CHD6: variants seen among roughly 807,000 people sequenced by gnomAD.
CHD6 encodes the protein ATP-dependent chromatin remodeler CHD6.
In CHD6, 50 loss-of-function variants were observed where a neutral mutation model predicts 276.9. The ratio of observed to expected loss-of-function variants is 0.18; its 90% CI spans 0.14 to 0.23. The LOEUF is 0.23. Among genes scored for constraint, CHD6 ranks in the 10% least tolerant of loss-of-function variants. CHD6 has a pLI of 1.00. For missense variants in CHD6, 2,564 were observed against 3,365.8 expected, an observed-to-expected ratio of 0.76 and a Z score of 5.89; for synonymous variants, 1,173 against 1,229.3, an observed-to-expected ratio of 0.95 and a Z score of 0.96.
intron 1 of CHD6, among the ~76,000 whole-genome samples, chr20:41,592,925 T>C (rs1226210676): frequency 6.6e-6 from 1 of 152,108 alleles, no homozygotes; most frequent in African/African-American, 2.4e-5. Flanking sequence ...TTCTCAGGTA[T>C]CTAAAACGTG....
chr20:41,403,275 T>A lies in CHD6; in HGVS notation c.*1318A>T. 1 of 1,062,594 alleles carries A rather than the reference T, an allele frequency of 9.4e-7. No individual in the cohort carries two copies. The highest frequency in any genetic ancestry group is 1.1e-6 in the Non-Finnish European group (1 of 877,304). The allele number at this position is 1,062,594 out of a possible 1,614,324, so 65.8% of individuals were successfully genotyped here. A position where few individuals can be genotyped will look rare whatever the true frequency, so the allele number is the denominator to read the frequency against. On this transcript the variant is annotated 3_prime_UTR_variant, in exon 37 of 37. Transcript: ENST00000373233. ...GCGCAGCCCTGCGCCCCCAGAGTAC[T>A]GAACCATGAGCTTACTTCAAGTCTC...
rs533351925 is a variant in CHD6 at position 41,497,446 on chromosome 20, T to C, written c.1030A>G (p.Ile344Val). Residue 344 changes from isoleucine to valine, a missense_variant, in exon 8 of 37, where the codon ATC (isoleucine) becomes GTC (valine). By Grantham distance (29) the Ile-to-Val change is conservative. This residue lies in a region of CHD6 where 457 missense variants were observed against 889.0 expected (regional missense o/e 0.51). Coordinates refer to ENST00000373233, the MANE Select transcript of CHD6 (RefSeq NM_032221.5). ...CTAAATCGCTTGATCTTCTGTGCGA[T>C]GCGAGGATCCTTTTCGAGCTCTTCC... ...TMEELEKDPRIAQKIKRFRNK... is the reference protein window; with the variant it reads ...TMEELEKDPRVAQKIKRFRNK... 11 of 1,613,982 alleles carry C rather than the reference T, an allele frequency of 6.8e-6. No homozygotes were observed. Among genetic ancestry groups the C allele is most frequent in the East Asian group, 2.2e-5 (1 of 44,832 alleles).
At chr20:41,602,052 C>T (rs1004761817) in intron 1 of CHD6, among the ~76,000 whole-genome samples, 1 of 152,232 alleles carries the variant, frequency 6.6e-6, no homozygotes, top group African/African-American at 2.4e-5. Context: ...TTTAGTCCCT[C>T]TCCTCTTCCA....
intron 2 of CHD6, among the ~76,000 whole-genome samples, chr20:41,543,459 TA>T (rs1330676097): frequency 6.6e-6 from 1 of 152,220 alleles, no homozygotes; most frequent in Non-Finnish European, 1.5e-5. Flanking sequence ...AACACACCTG[TA>T]TCTCTCCTCA....
At chr20:41,485,764 G>C (rs928505132) in intron 14 of CHD6, 13 of 152,146 alleles carry the variant, frequency 8.5e-5, no homozygotes, top group African/African-American at 2.4e-4. Flanking sequence ...AAGTTCAAGA[G>C]ATCTACTGAA....
intron 16 of CHD6, among the ~76,000 whole-genome samples, chr20:41,481,494 A>G (rs7353964): frequency 6.6e-6 from 1 of 152,144 alleles, no homozygotes; most frequent in African/African-American, 2.4e-5. Flanking sequence ...TCACAATTAC[A>G]AATTAAAGAG....
intron 3 of CHD6, among the ~76,000 whole-genome samples, chr20:41,530,788 G>A (rs1181956397): frequency 6.6e-6 from 1 of 152,172 alleles, no homozygotes; most frequent in African/African-American, 2.4e-5. Context: ...GAAAGCTCAT[G>A]TAACTTGTCC....
At chr20:41,564,265 T>G in intron 1 of CHD6, 1 of 577,616 alleles carries the variant, frequency 1.7e-6, no homozygotes, top group Non-Finnish European at 3.1e-6. Context: ...CTTCCCGTTT[T>G]CCAAAACAGC....
chr20:41,425,967 G>A, intron 28 of CHD6, 126 bp downstream of exon 28: 1 of 764,244 alleles, frequency 1.3e-6, no homozygotes, highest in Admixed American at 1.8e-5. Flanking sequence ...GTTTGATGAT[G>A]GTCAACTTAC....
At chr20:41,569,902 A>G (rs918614163) in intron 1 of CHD6, among the ~76,000 whole-genome samples, 1 of 152,152 alleles carries the variant, frequency 6.6e-6, no homozygotes, top group African/African-American at 2.4e-5. Context: ...TTGGCATGGG[A>G]TGGGTGTCCT....
Position 41,402,375 on chromosome 20 carries a change from A to T in CHD6, c.*2218T>A, listed in dbSNP as rs1449122899. The T allele has an allele frequency of 8.7e-6, 2 of 229,252 alleles. No individual in the cohort carries two copies. The highest frequency in any genetic ancestry group is 6.2e-5 in the East Asian group (1 of 16,056). The allele number at this position is 229,252 out of a possible 1,614,324, so 14.2% of individuals were successfully genotyped here. A position where few individuals can be genotyped will look rare whatever the true frequency, so the allele number is the denominator to read the frequency against. On this transcript the variant is annotated 3_prime_UTR_variant, in exon 37 of 37. Coordinates refer to ENST00000373233, the MANE Select transcript of CHD6 (RefSeq NM_032221.5). Reference sequence around the variant, plus strand: ...CAAATAGAAGCCTGAACACCCAGAGAGTTAACATACAGATTCCATAAGGAT... The same window carrying T: ...CAAATAGAAGCCTGAACACCCAGAGTGTTAACATACAGATTCCATAAGGAT...
rs192281183 is a variant in CHD6, at chr20:41,473,141, G to A, written c.2664+181C>T. ...CGGAAAGAACCACACTCTCTAATTA[G>A]TTGGAAGGGTCGACATTTACTTTTC... On this transcript the variant is annotated intron_variant, in intron 17 of 36. Transcript: ENST00000373233. This position sits in a 1 kb window ranked among gnomAD's most constrained non-coding sequence, Gnocchi z 4.1. 109 of 552,194 alleles carry A rather than the reference G, an allele frequency of 2.0e-4. No homozygotes were observed. The East Asian group carries it at 2.8e-3, about 14-fold the overall frequency. The allele number at this position is 552,194 out of a possible 1,614,324, so 34.2% of individuals were successfully genotyped here.
At position 41,404,569 on chromosome 20, in the gene CHD6, A is replaced by G. The variant is rs2046614222; in HGVS notation, c.*24T>C. 1.4e-6 allele frequency: 2 copies of G among 1,473,362 alleles called. No individual in the cohort carries two copies. The highest frequency in any genetic ancestry group is 2.4e-5 in the Admixed American group (1 of 42,374). 91.3% of individuals were successfully genotyped at this position (1,473,362 alleles called of 1,614,324 possible). A position where few individuals can be genotyped will look rare whatever the true frequency, so the allele number is the denominator to read the frequency against. On this transcript the variant is annotated 3_prime_UTR_variant, in exon 37 of 37. Transcript: ENST00000373233. ...TGGGATAAGAAACTTACAAGTCACA[A>G]TAATTTCTTAAATGAAAAAAGTTCT... is the stretch of plus-strand genomic sequence containing the variant.
intron 14 of CHD6, among the ~76,000 whole-genome samples, chr20:41,487,439 G>A (rs1427231772): frequency 7.2e-5 from 11 of 152,142 alleles, no homozygotes; most frequent in East Asian, 3.9e-4. Context: ...TATTTTGGGC[G>A]CATAAGATAT....
intron 1 of CHD6, among the ~76,000 whole-genome samples, chr20:41,589,443 T>C (rs1164155037): frequency 6.6e-6 from 1 of 152,198 alleles, no homozygotes; most frequent in Non-Finnish European, 1.5e-5. Context: ...TGTTTGCAGA[T>C]GACGTGATTG....
In CHD6 at chr20:41,452,796, G is replaced by A. The variant is rs2048278016; in HGVS notation, c.3267C>T (p.Ala1089=). The change falls in exon 21 of 37, where the codon GCC becomes GCT. Residue 1089 remains alanine, a synonymous_variant. Coordinates refer to ENST00000373233, the MANE Select transcript of CHD6 (RefSeq NM_032221.5). This position sits in a 1 kb window ranked among gnomAD's most constrained non-coding sequence, Gnocchi z 4.2. The part of the protein sequence containing the change: ...PTRSRRLNDK[A]RRYLRAECFR... ...AGCACTCCGCTCGGAGGTAGCGCCT[G>A]GCTTTGTCATTGAGGCGCCTGGATC... The A allele has an allele frequency of 6.2e-7, 1 of 1,613,256 alleles. No individual in the cohort carries two copies. Among genetic ancestry groups the A allele is most frequent in the African/African-American group, 1.3e-5 (1 of 74,636 alleles).
intron 1 of CHD6, among the ~76,000 whole-genome samples, chr20:41,551,671 C>T (rs2045149037): frequency 6.6e-6 from 1 of 152,100 alleles, no homozygotes; most frequent in Admixed American, 6.5e-5. Context: ...AATAACATGC[C>T]TTTACTGAGA....
chr20:41,478,021 C>A (rs1600961944), intron 16 of CHD6, among the ~76,000 whole-genome samples: 2 of 152,138 alleles, frequency 1.3e-5, no homozygotes, highest in Non-Finnish European at 2.9e-5. Context: ...CTCACCCCTC[C>A]CCCACAATTA....
intron 1 of CHD6, among the ~76,000 whole-genome samples, chr20:41,568,916 T>C (rs1054755533): frequency 6.6e-6 from 1 of 152,214 alleles, no homozygotes; most frequent in African/African-American, 2.4e-5. Flanking sequence ...AGAATTTTTG[T>C]TTAATATAAA....
Sources: allele counts gnomAD v4.1 joint callset (sites outside exome capture counted in the v4.1 genomes callset), GRCh38; gene constraint gnomAD v4.1.1; regional missense constraint gnomAD v4.1.1; non-coding constraint Gnocchi (gnomAD v3.1); transcripts MANE v1.5; gene names NCBI Gene and HGNC (gene_info 2026-07-23, HGNC 2026-07-21).